ZNF671: variants seen among roughly 807,000 people sequenced by gnomAD.
The protein encoded by ZNF671 is hypothetical protein FLJ23506.
In ZNF671, 19 loss-of-function variants were observed where a neutral mutation model predicts 16.6. That is an observed-to-expected ratio of 1.14 (90% CI 0.80 to 1.68). ZNF671 has a LOEUF of 1.68. Among genes scored for constraint, ZNF671 ranks in the 40% most tolerant of loss-of-function variants. ZNF671 has a pLI of 0.00. For synonymous variants in ZNF671, 238 were observed against 236.3 expected, an observed-to-expected ratio of 1.01 and a Z score of -0.06; for missense variants, 637 against 659.8, an observed-to-expected ratio of 0.97 and a Z score of 0.38.
At chr19:57,725,154 C>G (rs1985999867) in intron 1 of ZNF671, among the ~76,000 whole-genome samples, 1 of 144,282 alleles carries the variant, frequency 6.9e-6, no homozygotes, top group Non-Finnish European at 1.5e-5. Context: ...AAGTAGTGAA[C>G]TTTTTTTTTT....
chr19:57,724,011 T>C (rs1457625812), intron 1 of ZNF671, among the ~76,000 whole-genome samples: 2 of 143,306 alleles, frequency 1.4e-5, no homozygotes, highest in South Asian at 2.2e-4. Context: ...GCTACTACAC[T>C]CCAGTCTGGC....
At position 57,727,391 on chromosome 19, in the gene ZNF671, C is replaced by A. The variant is rs1259076605; in HGVS notation, c.138G>T (p.Arg46=). 6 of 1,597,270 alleles carry A rather than the reference C, an allele frequency of 3.8e-6. No homozygotes were observed. Among genetic ancestry groups the A allele is most frequent in the Non-Finnish European group, 5.1e-6 (6 of 1,167,992 alleles). Residue 46 remains arginine (R), a splice_region_variant and synonymous_variant, in exon 1 of 4, where the codon CGG becomes CGT. Transcript: ENST00000317398. ...GPMAELTDSA[R]GCVVFEDVFV... is the part of the protein sequence containing the mutation. ...AGGGCCCGGAGGACGCAGCACCCAC[C>A]CGCGCGGAGTCCGTTAGCTCCGCCA...
chr19:57,721,522 C>T lies in ZNF671; in HGVS notation c.564G>A (p.Arg188=), dbSNP rs1266238758. ...ATGCCCCACACAAGTATGGTTTCTG[C>T]CTGGCTTTTCCCCCATGGTATTTAG... is the stretch of plus-strand genomic sequence containing the variant. ...HLAKYHGGKA[R]QKPYLCGACG... is the part of the protein sequence containing the mutation. The change falls in exon 4 of 4, where the codon AGG becomes AGA. Residue 188 remains arginine, a synonymous_variant. Coordinates refer to ENST00000317398, the MANE Select transcript of ZNF671 (RefSeq NM_024833.3). 1 of 1,614,102 alleles carries T rather than the reference C, an allele frequency of 6.2e-7. No homozygotes were observed. Among genetic ancestry groups the T allele is most frequent in the African/African-American group, 1.3e-5 (1 of 74,930 alleles).
In ZNF671 at chr19:57,720,970, G is replaced by A; in HGVS notation, c.1116C>T (p.Gly372=). 1 of 1,614,078 alleles carries A rather than the reference G, an allele frequency of 6.2e-7. No homozygotes were observed. The highest frequency in any genetic ancestry group is 1.1e-5 in the South Asian group (1 of 91,078). Residue 372 remains glycine (G), a synonymous_variant, in exon 4 of 4, where the codon GGC becomes GGT. Transcript: ENST00000317398. ...TACTGCTAAAAAATTTCCCACATTTGCCACACTGATAGAGTCTTTCACCCG... is the reference window on the plus strand; with the variant it reads ...TACTGCTAAAAAATTTCCCACATTTACCACACTGATAGAGTCTTTCACCCG... ...VHTGERLYQC[G]KCGKFFSSKS...
Position 57,721,442 on chromosome 19 carries a change from T to A in ZNF671, c.644A>T (p.Asn215Ile), listed in dbSNP as rs537589154. 1 of 1,614,200 alleles carries A rather than the reference T, an allele frequency of 6.2e-7. No homozygotes were observed. Among genetic ancestry groups the A allele is most frequent in the East Asian group, 2.2e-5 (1 of 44,882 alleles). The change falls in exon 4 of 4, where the codon AAT becomes ATT. Residue 215 changes from asparagine (N) to isoleucine (I), a missense_variant. Transcript: ENST00000317398. ...CTTCCTTGGGAAAAGTTTCCCTCCATTGGGCTGGTTCTGGTGCTGGTCAAA... is the reference window on the plus strand; with the variant it reads ...CTTCCTTGGGAAAAGTTTCCCTCCAATGGGCTGGTTCTGGTGCTGGTCAAA... ...TDFDQHQNQPNGGKLFPRKEG... is the reference protein window; with the variant it reads ...TDFDQHQNQPIGGKLFPRKEG...
At position 57,722,473 on chromosome 19, in the gene ZNF671, C is replaced by A. The variant is rs372224227; in HGVS notation, c.266-35G>T. On this transcript the variant is annotated intron_variant, in intron 2 of 3. Transcript: ENST00000317398. The stretch of plus-strand genomic sequence containing the variant: ...AGTCAGAACAGGTGAGCAGCCAGCA[C>A]TGGCCCATGGCAAACCACCCTATGA... 53 of 1,609,680 alleles carry A rather than the reference C, an allele frequency of 3.3e-5. No individual in the cohort carries two copies. The Middle Eastern group carries it at 4.9e-4, about 15-fold the overall frequency.
At position 57,721,360 on chromosome 19, in the gene ZNF671, T is replaced by C; in HGVS notation, c.726A>G (p.Thr242=). The C allele has an allele frequency of 1.2e-6, 2 of 1,613,342 alleles. No homozygotes were observed. The highest frequency in any genetic ancestry group is 1.1e-5 in the South Asian group (1 of 91,072). ...AAAAGTCTCTCCTACCTTTCCCACA[T>C]GTGAGGGTCTTCTCTGGCACATGGA... ...CRVHVPEKTL[T]CGKGRRDFSA... The change falls in exon 4 of 4, where the codon ACA becomes ACG. Residue 242 remains threonine, a synonymous_variant. Transcript: ENST00000317398.
At chr19:57,724,711 G>C (rs748970109) in intron 1 of ZNF671, among the ~76,000 whole-genome samples, 1 of 151,974 alleles carries the variant, frequency 6.6e-6, no homozygotes, top group Non-Finnish European at 1.5e-5. Flanking sequence ...ATTTTCAGTA[G>C]AGACAAGGTT....
Position 57,721,417 on chromosome 19 carries a change from C to T in ZNF671, c.669G>A (p.Lys223=). 1 of 1,614,242 alleles carries T rather than the reference C, an allele frequency of 6.2e-7. No individual in the cohort carries two copies. The highest frequency in any genetic ancestry group is 8.5e-7 in the Non-Finnish European group (1 of 1,180,044). ...QPNGGKLFPR[K]EGRDSVKSCR... is the part of the protein sequence containing the mutation. Reference sequence around the variant, plus strand: ...AGCTTTTCACAGAGTCTCTGCCCTCCTTCCTTGGGAAAAGTTTCCCTCCAT... The same window carrying T: ...AGCTTTTCACAGAGTCTCTGCCCTCTTTCCTTGGGAAAAGTTTCCCTCCAT... The change falls in exon 4 of 4, where the codon AAG becomes AAA. Residue 223 remains lysine (K), a synonymous_variant. Transcript: ENST00000317398.
chr19:57,720,379 G>A lies in ZNF671; in HGVS notation c.*102C>T. 1 of 1,474,712 alleles carries A rather than the reference G, an allele frequency of 6.8e-7. No individual in the cohort carries two copies. The highest frequency in any genetic ancestry group is 1.4e-5 in the African/African-American group (1 of 71,306). The allele number at this position is 1,474,712 out of a possible 1,614,324, so 91.4% of individuals were successfully genotyped here. ...GGGTAAGGTTCAGCCTCCAGGGGAAGGCTTTCCTGCATCTGCTGCACTCAT... is the reference window on the plus strand; with the variant it reads ...GGGTAAGGTTCAGCCTCCAGGGGAAAGCTTTCCTGCATCTGCTGCACTCAT... On this transcript the variant is annotated 3_prime_UTR_variant, in exon 4 of 4. Transcript: ENST00000317398.
Position 57,722,400 on chromosome 19 carries a change from C to G in ZNF671, c.304G>C (p.Glu102Gln), listed in dbSNP as rs1600051443. The G allele has an allele frequency of 6.2e-7, 1 of 1,614,096 alleles. No homozygotes were observed. Among genetic ancestry groups the G allele is most frequent in the Non-Finnish European group, 8.5e-7 (1 of 1,180,006 alleles). Residue 102 changes from glutamate to glutamine, a missense_variant, in exon 3 of 4, where the codon GAG (glutamate) becomes CAG (glutamine). Transcript: ENST00000317398. ...TACACCCAGGGCTCTTCTCCTCGCT[C>G]TAGTTTCATGACTGCACGTGATCTG... ...FSRSRAVMKL[E>Q]RGEEPWVYDQ...
chr19:57,723,277 C>T lies in ZNF671; in HGVS notation c.202G>A (p.Asp68Asn). ...TCATGGTACAAAAGTCTCTGAGCATCATCAAGAAGCTCCCATTCTTCCCGA... is the reference window on the plus strand; with the variant it reads ...TCATGGTACAAAAGTCTCTGAGCATTATCAAGAAGCTCCCATTCTTCCCGA... ...FSREEWELLD[D>N]AQRLLYHDVM... is the part of the protein sequence containing the mutation. The change falls in exon 2 of 4, where the codon GAT becomes AAT. Residue 68 changes from aspartate to asparagine, a missense_variant. Coordinates refer to ENST00000317398, the MANE Select transcript of ZNF671 (RefSeq NM_024833.3). The T allele has an allele frequency of 1.9e-6, 3 of 1,613,898 alleles. No individual in the cohort carries two copies. Among genetic ancestry groups the T allele is most frequent in the Non-Finnish European group, 2.5e-6 (3 of 1,179,836 alleles).
In ZNF671 at chr19:57,727,500, G is replaced by A. The variant is rs775895659; in HGVS notation, c.29C>T (p.Ser10Phe). Residue 10 changes from serine to phenylalanine, a missense_variant, in exon 1 of 4, where the codon TCT becomes TTT. Transcript: ENST00000317398. Reference protein sequence around the residue: MLSPVSRDASDALQGRKCLR... With the variant: MLSPVSRDAFDALQGRKCLR... Reference sequence around the variant, plus strand: ...GCACTTCCGTCCCTGCAGAGCATCAGACGCGTCTCGGGACACTGGGGACAA... The same window carrying A: ...GCACTTCCGTCCCTGCAGAGCATCAAACGCGTCTCGGGACACTGGGGACAA... 2 of 1,612,564 alleles carry A rather than the reference G, an allele frequency of 1.2e-6. No homozygotes were observed. Among genetic ancestry groups the A allele is most frequent in the Non-Finnish European group, 8.5e-7 (1 of 1,179,180 alleles).
chr19:57,727,584 C>A lies in ZNF671; in HGVS notation c.-56G>T. ...GCGGCCCACACAAGCGTTACAGAAC[C>A]CCGGCCAGGGACAGCCTGACAGAAA... On this transcript the variant is annotated 5_prime_UTR_variant, in exon 1 of 4. Transcript: ENST00000317398. 2 of 1,559,324 alleles carry A rather than the reference C, an allele frequency of 1.3e-6. No homozygotes were observed. The highest frequency in any genetic ancestry group is 1.2e-5 in the South Asian group (1 of 85,946).
rs751429353 is a variant in ZNF671, at chr19:57,720,565, A to G, written c.1521T>C (p.Tyr507=). The G allele has an allele frequency of 2.5e-5, 40 of 1,614,102 alleles. 2 individuals are homozygous for G. The South Asian group carries it at 3.6e-4, about 15-fold the overall frequency. ...HWKVHTGERP[Y]VCSECGREFI... is the part of the protein sequence containing the mutation. Reference sequence around the variant, plus strand: ...ATTCTCTCCCGCACTCACTACACACATAAGGCCTTTCCCCAGTGTGGACTT... The same window carrying G: ...ATTCTCTCCCGCACTCACTACACACGTAAGGCCTTTCCCCAGTGTGGACTT... The change falls in exon 4 of 4, where the codon TAT becomes TAC. Residue 507 remains tyrosine (Y), a synonymous_variant. Transcript: ENST00000317398.
At position 57,721,168 on chromosome 19, in the gene ZNF671, G is replaced by T; in HGVS notation, c.918C>A (p.Ile306=). The T allele has an allele frequency of 1.2e-6, 2 of 1,613,796 alleles. No homozygotes were observed. Among genetic ancestry groups the T allele is most frequent in the Non-Finnish European group, 1.7e-6 (2 of 1,179,746 alleles). ...ACTCATAAGGCCTTTCTCCAGTGTG[G>T]ATTCTCTGATGCCGAGCAAGTGTGT... The part of the protein sequence containing the change: ...RKDTLARHQR[I]HTGERPYECN... Residue 306 remains isoleucine (I), a synonymous_variant, in exon 4 of 4, where the codon ATC becomes ATA. Transcript: ENST00000317398.
In ZNF671 at chr19:57,727,420, G is replaced by A. The variant is rs776949733; in HGVS notation, c.109C>T (p.Pro37Ser). The change falls in exon 1 of 4, where the codon CCT becomes TCT. Residue 37 changes from proline (P) to serine (S), a missense_variant. Pro to Ser is a moderately conservative substitution (Grantham distance 74, BLOSUM62 -1). Transcript: ENST00000317398. The stretch of plus-strand genomic sequence containing the variant: ...GCGGAGTCCGTTAGCTCCGCCATAG[G>A]ACCGTGGGCGCGGACAGCTGCCGGG... ...PLPAAVRAHG[P>S]MAELTDSARG... 9 of 1,612,862 alleles carry A rather than the reference G, an allele frequency of 5.6e-6. No individual in the cohort carries two copies. The East Asian group carries it at 1.3e-4, about 24-fold the overall frequency.
rs1253729970 is a variant in ZNF671 at position 57,720,589 on chromosome 19, T to C, written c.1497A>G (p.Lys499=). ...TQRPNLIRHW[K]VHTGERPYVC... ...CATAAGGCCTTTCCCCAGTGTGGAC[T>C]TTCCAGTGCCTGATGAGGTTGGGTC... Residue 499 remains lysine (K), a synonymous_variant, in exon 4 of 4, where the codon AAA becomes AAG. Transcript: ENST00000317398. 6 of 1,614,122 alleles carry C rather than the reference T, an allele frequency of 3.7e-6. No individual in the cohort carries two copies. The highest frequency in any genetic ancestry group is 5.1e-6 in the Non-Finnish European group (6 of 1,180,050).
chr19:57,725,748 C>T (rs1168129364), intron 1 of ZNF671, among the ~76,000 whole-genome samples: 2 of 151,884 alleles, frequency 1.3e-5, no homozygotes, highest in Non-Finnish European at 2.9e-5. Flanking sequence ...ACCAGCCTGG[C>T]CAACATGGTG....
Sources: allele counts gnomAD v4.1 joint callset (sites outside exome capture counted in the v4.1 genomes callset), GRCh38; gene constraint gnomAD v4.1.1; transcripts MANE v1.5; gene names NCBI Gene and HGNC (gene_info 2026-07-23, HGNC 2026-07-21).